Variants in PPFIA2 observed in about 807,000 individuals in gnomAD.
PPFIA2 encodes PPFI scaffold protein A2, also known as liprin-alpha-2.
PPFIA2 carries 46 observed loss-of-function variants against 175.5 expected under a neutral mutation model. The ratio of observed to expected loss-of-function variants is 0.26; its 90% confidence interval spans 0.21 to 0.34. The LOEUF (loss-of-function observed/expected upper bound fraction) is 0.34. Among genes scored for constraint, PPFIA2 ranks in the 10% least tolerant of loss-of-function variants. PPFIA2 has a pLI of 1.00. For missense variants in PPFIA2, 1,179 were observed against 1,506.1 expected (o/e 0.78, Z 3.60); for synonymous variants, 568 against 511.4 (o/e 1.11, Z -1.49).
intron 4 of PPFIA2, among the ~76,000 whole-genome samples, chr12:81,550,058 A>C (rs1403999617): frequency 6.6e-6 from 1 of 152,020 alleles, no homozygotes; most frequent in Non-Finnish European, 1.5e-5. Context: ...AGTTTAGTCT[A>C]AATATTGTCT....
chr12:81,682,671 A>G (rs2073847089), intron 3 of PPFIA2, among the ~76,000 whole-genome samples: 1 of 152,056 alleles, frequency 6.6e-6, no homozygotes, highest in Non-Finnish European at 1.5e-5. Context: ...GACAAAATTT[A>G]TTGTATTCAA....
intron 28 of PPFIA2, among the ~76,000 whole-genome samples, chr12:81,274,708 G>C (rs542885594): frequency 6.6e-6 from 1 of 152,262 alleles, no homozygotes; most frequent in East Asian, 1.9e-4. Context: ...CTTCACTTCA[G>C]AAAACTATTC....
intron 4 of PPFIA2, among the ~76,000 whole-genome samples, chr12:81,623,443 T>C (rs2062306307): frequency 6.6e-6 from 1 of 152,062 alleles, no homozygotes; most frequent in African/African-American, 2.4e-5. Context: ...TGATGTATCA[T>C]TGGCCTCATC....
chr12:81,755,712 T>C (rs1186503976), intron 2 of PPFIA2, among the ~76,000 whole-genome samples: 2 of 151,924 alleles, frequency 1.3e-5, no homozygotes, highest in African/African-American at 4.8e-5. Context: ...ATTAAGGGGG[T>C]CATTGAACAT....
At chr12:81,608,976 T>A (rs909932549) in intron 4 of PPFIA2, among the ~76,000 whole-genome samples, 5 of 152,042 alleles carry the variant, frequency 3.3e-5, no homozygotes, top group African/African-American at 9.7e-5. Flanking sequence ...ATCCTAGAGA[T>A]TTGGATAAGT....
chr12:81,437,964 T>C (rs1209020800), intron 7 of PPFIA2, among the ~76,000 whole-genome samples: 3 of 151,894 alleles, frequency 2.0e-5, no homozygotes, highest in Non-Finnish European at 4.4e-5. Context: ...ACCATCCTGT[T>C]TACTAAGCTG....
chr12:81,306,675 T>C lies in PPFIA2; in HGVS notation c.2643-7293A>G, dbSNP rs143457277. The stretch of plus-strand genomic sequence containing the variant: ...CCTGCTTCAGCCTCCTGAGTAGCTG[T>C]GATTATAGGCACGTGCCACCATGCC... On this transcript the variant is annotated intron_variant, in intron 22 of 32. Transcript: ENST00000549396. Among the ~76,000 whole-genome samples, 3 of 151,532 alleles carry C rather than the reference T, an allele frequency of 2.0e-5. No individual in the cohort carries two copies. The East Asian group carries it at 5.9e-4, about 30-fold the overall frequency.
intron 7 of PPFIA2, among the ~76,000 whole-genome samples, chr12:81,416,099 T>A (rs115887979): frequency 1.3e-5 from 2 of 151,664 alleles, no homozygotes; most frequent in African/African-American, 4.8e-5. Flanking sequence ...AAGGCAAGAC[T>A]GTTATTTTAC....
At chr12:81,558,188 T>C (rs1484781063) in intron 4 of PPFIA2, among the ~76,000 whole-genome samples, 2 of 152,154 alleles carry the variant, frequency 1.3e-5, no homozygotes, top group Non-Finnish European at 2.9e-5. Context: ...GATGACTCAT[T>C]CTGCCTAGTG....
intron 4 of PPFIA2, among the ~76,000 whole-genome samples, chr12:81,514,208 A>G (rs891021542): frequency 1.3e-5 from 2 of 151,954 alleles, no homozygotes; most frequent in Non-Finnish European, 2.9e-5. Context: ...GGGTCAGTGC[A>G]ATGAGCAGAA....
rs200137564 is a variant in PPFIA2, at chr12:81,713,173, T to TG, written c.250-36330dup. On this transcript the variant is annotated intron_variant, in intron 3 of 32. Transcript: ENST00000549396. ...ATGATAAATAATAATACAGCTTTTT[T>TG]GGGGGGGTCTGATTGAATGCTAAGA... Among the ~76,000 whole-genome samples the TG allele has an allele frequency of 5.4e-3, 817 of 151,178 alleles. 15 individuals carry two copies. Among genetic ancestry groups the TG allele is most frequent in the African/African-American group, 0.018 (743 of 41,478 alleles).
At chr12:81,614,232 T>C (rs1052345656) in intron 4 of PPFIA2, among the ~76,000 whole-genome samples, 8 of 152,062 alleles carry the variant, frequency 5.3e-5, no homozygotes, top group Non-Finnish European at 7.4e-5. Flanking sequence ...AAATATGACA[T>C]TAATGAAAAG....
intron 4 of PPFIA2, among the ~76,000 whole-genome samples, chr12:81,497,530 C>CTTTTTTTTTTTTTT (rs34030284): frequency 1.5e-5 from 1 of 66,184 alleles, no homozygotes; most frequent in African/African-American, 5.5e-5. Context: ...TCATTGATGT[C>CTTTTTTTTTTTTTT]TTTTTTTTTT....
chr12:81,712,110 C>T (rs2078014235), intron 3 of PPFIA2, among the ~76,000 whole-genome samples: 1 of 151,092 alleles, frequency 6.6e-6, no homozygotes, highest in Admixed American at 6.8e-5. Flanking sequence ...ATCAATTATA[C>T]TAATATGTTC....
At chr12:81,551,622 C>T (rs540151975) in intron 4 of PPFIA2, among the ~76,000 whole-genome samples, 3 of 151,740 alleles carry the variant, frequency 2.0e-5, no homozygotes, top group African/African-American at 7.2e-5. Flanking sequence ...TGAAATAAAC[C>T]CCCCATGGAT....
intron 5 of PPFIA2, among the ~76,000 whole-genome samples, chr12:81,449,999 A>T (rs1002415247): frequency 3.3e-5 from 5 of 152,108 alleles, no homozygotes; most frequent in African/African-American, 1.2e-4. Context: ...ATAGTATTCC[A>T]TGGTTTATAT....
intron 21 of PPFIA2, among the ~76,000 whole-genome samples, chr12:81,335,842 C>A (rs1166006506): frequency 2.0e-5 from 3 of 152,152 alleles, no homozygotes; most frequent in Admixed American, 1.3e-4. Context: ...CCCGAGTAAG[C>A]TAGAAGGAAT....
intron 5 of PPFIA2, among the ~76,000 whole-genome samples, chr12:81,457,134 C>T (rs1375140822): frequency 1.3e-5 from 2 of 151,882 alleles, no homozygotes; most frequent in Non-Finnish European, 2.9e-5. Flanking sequence ...CAGGTGCGTG[C>T]CACCAAGCCT....
intron 4 of PPFIA2, among the ~76,000 whole-genome samples, chr12:81,524,828 G>A (rs1415809413): frequency 6.6e-6 from 1 of 152,180 alleles, no homozygotes; most frequent in African/African-American, 2.4e-5. Context: ...AACCTCCAAG[G>A]TGATGGCATT....
Sources: gnomAD v4.1 joint callset for allele counts (sites outside exome capture counted in the v4.1 genomes callset) on GRCh38, gnomAD v4.1.1 for gene constraint, MANE v1.5 for transcripts, NCBI Gene and HGNC (gene_info 2026-07-23, HGNC 2026-07-21) for gene names.